XKR4: variants seen among roughly 807,000 people sequenced by gnomAD.
XKR4 encodes XK related 4, also known as XK-related protein 4.
A neutral mutation model predicts 53.9 loss-of-function variants in XKR4; 12 were observed. The observed-to-expected ratio is 0.22, with a 90% CI of 0.14 to 0.36. XKR4 has a LOEUF of 0.36. XKR4 is among the 10% of genes least tolerant of loss of function. XKR4 has a pLI of 1.00. For synonymous variants in XKR4, 354 were observed against 362.4 expected (o/e 0.98, Z 0.26); for missense variants, 799 against 859.5 (o/e 0.93, Z 0.88).
chr8:55,385,566 A>C (rs1339911442), intron 2 of XKR4, among the ~76,000 whole-genome samples: 1 of 152,246 alleles, frequency 6.6e-6, no homozygotes, highest in Admixed American at 6.5e-5. Context: ...TCTACTGAAT[A>C]AGTGAATGAA....
intron 2 of XKR4, chr8:55,450,134 T>C (rs1356259938): frequency 4.4e-6 from 3 of 689,016 alleles, no homozygotes; most frequent in Non-Finnish European, 8.0e-6. Flanking sequence ...CTCAGCTCTG[T>C]CTCCAACCTC....
intron 1 of XKR4, among the ~76,000 whole-genome samples, chr8:55,236,400 G>A (rs1257057226): frequency 6.6e-6 from 1 of 152,058 alleles, no homozygotes; most frequent in Non-Finnish European, 1.5e-5. Flanking sequence ...AGAGATAATC[G>A]ATTCAACCTG....
chr8:55,372,426 C>A (rs1486719259), intron 2 of XKR4, among the ~76,000 whole-genome samples: 1 of 152,116 alleles, frequency 6.6e-6, no homozygotes, highest in Non-Finnish European at 1.5e-5. Flanking sequence ...TTTCTAAACA[C>A]TAAAAATAAC....
At chr8:55,145,771 C>A (rs1303387702) in intron 1 of XKR4, among the ~76,000 whole-genome samples, 4 of 152,162 alleles carry the variant, frequency 2.6e-5, no homozygotes, top group Non-Finnish European at 5.9e-5. Flanking sequence ...TCCTTAAGAA[C>A]AAGAGCTATC....
Position 55,102,892 on chromosome 8 carries a change from A to T in XKR4, c.404A>T (p.Asp135Val). The T allele has an allele frequency of 6.2e-7, 1 of 1,612,134 alleles. No individual in the cohort carries two copies. Among genetic ancestry groups the T allele is most frequent in the Non-Finnish European group, 8.5e-7 (1 of 1,179,904 alleles). Reference sequence around the variant, plus strand: ...GGCACAGACGTCTGGCTCGCCGTGGACTACTACCTGCGCGGCCAGCGCTGG... The same window carrying T: ...GGCACAGACGTCTGGCTCGCCGTGGTCTACTACCTGCGCGGCCAGCGCTGG... Reference protein sequence around the residue: ...DVGTDVWLAVDYYLRGQRWWF... With the variant: ...DVGTDVWLAVVYYLRGQRWWF... The change falls in exon 1 of 3, where the codon GAC becomes GTC. Residue 135 changes from aspartate to valine, a missense_variant. Asp to Val is a radical substitution (Grantham distance 152, BLOSUM62 -3). Coordinates refer to ENST00000327381, the MANE Select transcript of XKR4 (RefSeq NM_052898.2). The surrounding 1 kb of genome is among the most constrained non-coding windows in gnomAD (Gnocchi z 5.1).
rs539201722 is a variant in XKR4, at chr8:55,513,577, G to A, written c.1007-9704G>A. 9.9e-5 allele frequency among the ~76,000 whole-genome samples: 15 copies of A among 152,248 alleles called. No homozygotes were observed. The South Asian group carries it at 1.7e-3, about 17-fold the overall frequency. ...AAGTGTATCGAGATGTGGCATCTGC[G>A]GTCCTTAACAGATACCCACAGGTGG... is the stretch of plus-strand genomic sequence containing the variant. On this transcript the variant is annotated intron_variant, in intron 2 of 2. Coordinates refer to ENST00000327381, the MANE Select transcript of XKR4 (RefSeq NM_052898.2).
chr8:55,392,716 A>G (rs370630209), intron 2 of XKR4, among the ~76,000 whole-genome samples: 5 of 152,170 alleles, frequency 3.3e-5, no homozygotes, highest in African/African-American at 1.2e-4. Context: ...ATTTGAGCCT[A>G]AGAAGCAGAG....
At chr8:55,431,620 A>G (rs1805106203) in intron 2 of XKR4, among the ~76,000 whole-genome samples, 1 of 152,246 alleles carries the variant, frequency 6.6e-6, no homozygotes, top group African/African-American at 2.4e-5. Context: ...TATCAAAAAC[A>G]TAAGACAGAT....
At chr8:55,197,078 T>A (rs1291644289) in intron 1 of XKR4, among the ~76,000 whole-genome samples, 1 of 152,126 alleles carries the variant, frequency 6.6e-6, no homozygotes, top group Admixed American at 6.5e-5. Context: ...CTGCTAGTTA[T>A]GGATGTCAGG....
At chr8:55,399,999 G>T (rs886725476) in intron 2 of XKR4, among the ~76,000 whole-genome samples, 29 of 152,174 alleles carry the variant, frequency 1.9e-4, no homozygotes, top group Admixed American at 3.9e-4. Context: ...CTAAGTGTAT[G>T]CTGCTCTTCC....
intron 2 of XKR4, among the ~76,000 whole-genome samples, chr8:55,514,220 C>T (rs1345360112): frequency 6.7e-6 from 1 of 149,766 alleles, no homozygotes. Flanking sequence ...AGACACATAG[C>T]AATGCTTGCT....
rs1424054380 is a variant in XKR4, at chr8:55,333,805, C to G, written c.807-23873C>G. Among the ~76,000 whole-genome samples, 4 of 152,162 alleles carry G rather than the reference C, an allele frequency of 2.6e-5. No homozygotes were observed. In the East Asian group the frequency reaches 7.7e-4, roughly 29 times the overall value. On this transcript the variant is annotated intron_variant, in intron 1 of 2. Transcript: ENST00000327381. ...CACACTCCTGGTTTGTAGAAAGGAG[C>G]TGGGGACTGGAGCACTGCTTTCCCC... is the stretch of plus-strand genomic sequence containing the variant.
intron 1 of XKR4, among the ~76,000 whole-genome samples, chr8:55,348,224 G>T (rs1328507639): frequency 6.6e-6 from 1 of 152,136 alleles, no homozygotes; most frequent in Non-Finnish European, 1.5e-5. Flanking sequence ...AATCACCTCA[G>T]TTATGAGGGG....
intron 1 of XKR4, among the ~76,000 whole-genome samples, chr8:55,349,295 G>A (rs983674407): frequency 2.0e-5 from 3 of 152,166 alleles, no homozygotes; most frequent in Admixed American, 6.5e-5. Context: ...AAAAAAGTAC[G>A]TAGAAGACTG....
At chr8:55,417,823 G>C (rs1180985206) in intron 2 of XKR4, among the ~76,000 whole-genome samples, 1 of 152,148 alleles carries the variant, frequency 6.6e-6, no homozygotes, top group Non-Finnish European at 1.5e-5. Flanking sequence ...GATCTAGTTG[G>C]GGAGATCATC....
chr8:55,171,181 T>C (rs896670142), intron 1 of XKR4, among the ~76,000 whole-genome samples: 4 of 152,218 alleles, frequency 2.6e-5, no homozygotes, highest in Admixed American at 1.3e-4. Flanking sequence ...TTTCAGTACC[T>C]ACAATCGAGA....
intron 2 of XKR4, among the ~76,000 whole-genome samples, chr8:55,485,610 C>G (rs533330735): frequency 9.9e-5 from 15 of 152,248 alleles, no homozygotes; most frequent in African/African-American, 3.4e-4. Flanking sequence ...AACTCCTTAC[C>G]TCCTGCCCCC....
intron 1 of XKR4, among the ~76,000 whole-genome samples, chr8:55,247,266 A>G (rs113458217): frequency 1.4e-3 from 206 of 152,188 alleles, no homozygotes; most frequent in African/African-American, 4.8e-3. Flanking sequence ...AAAGTTTCCT[A>G]TAATCATCTA....
intron 2 of XKR4, among the ~76,000 whole-genome samples, chr8:55,484,051 C>A (rs1313095031): frequency 6.6e-6 from 1 of 152,064 alleles, no homozygotes; most frequent in Non-Finnish European, 1.5e-5. Context: ...AAGAGAATAC[C>A]AGGAATAACA....
Sources: allele counts gnomAD v4.1 joint callset (sites outside exome capture counted in the v4.1 genomes callset), GRCh38; gene constraint gnomAD v4.1.1; non-coding constraint Gnocchi (gnomAD v3.1); transcripts MANE v1.5; gene names NCBI Gene and HGNC (gene_info 2026-07-23, HGNC 2026-07-21).